EYS: variants seen among roughly 807,000 people sequenced by gnomAD.
EYS encodes the protein EGF-like photoreceptor maintenance factor.
A neutral mutation model predicts 282.1 loss-of-function variants in EYS; 250 were observed. That is an observed-to-expected ratio of 0.89 (90% CI 0.80 to 0.98). The LOEUF (loss-of-function observed/expected upper bound fraction) is 0.98, where lower values mean the gene tolerates loss of function less well. EYS is among the 50% of genes least tolerant of loss of function. EYS has a pLI of 0.00. For missense variants in EYS, 4,016 were observed against 3,709.0 expected (o/e 1.08, Z -2.15); for synonymous variants, 1,355 against 1,282.9 (o/e 1.06, Z -1.20).
chr6:65,299,213 T>C (rs896334093), intron 11 of EYS, among the ~76,000 whole-genome samples: 13 of 152,330 alleles, frequency 8.5e-5, no homozygotes, highest in African/African-American at 2.9e-4. Context: ...ATGATTTGTA[T>C]GTGTTTAATT....
chr6:64,324,308 G>T (rs1770328986), intron 29 of EYS, among the ~76,000 whole-genome samples: 1 of 152,098 alleles, frequency 6.6e-6, no homozygotes, highest in Non-Finnish European at 1.5e-5. Context: ...TTTATTTTTG[G>T]GATGCAAAGT....
chr6:63,967,554 G>A (rs74533308), intron 35 of EYS, among the ~76,000 whole-genome samples: 1,830 of 152,264 alleles, frequency 0.012, 31 homozygotes, highest in African/African-American at 0.041. Flanking sequence ...CTCATCAAAA[G>A]CATGGATGTG....
chr6:64,734,978 A>G (rs1485337140), intron 22 of EYS, among the ~76,000 whole-genome samples: 1 of 152,086 alleles, frequency 6.6e-6, no homozygotes, highest in African/African-American at 2.4e-5. Context: ...GCTTATATAA[A>G]CCTAAATATG....
chr6:65,452,446 A>C (rs9345636), intron 5 of EYS, among the ~76,000 whole-genome samples: 28,087 of 151,882 alleles, frequency 0.18, 3,248 homozygotes, highest in Middle Eastern at 0.3. Flanking sequence ...TATGTATAGA[A>C]GCCACTAAGG....
At chr6:64,730,285 C>T (rs1038909909) in intron 22 of EYS, among the ~76,000 whole-genome samples, 1 of 152,028 alleles carries the variant, frequency 6.6e-6, no homozygotes, top group Admixed American at 6.6e-5. Flanking sequence ...TACTCTGAGA[C>T]AGGAGGAAGA....
intron 31 of EYS, among the ~76,000 whole-genome samples, chr6:64,130,898 C>T (rs551760637): frequency 5.9e-5 from 9 of 152,242 alleles, no homozygotes; most frequent in South Asian, 4.1e-4. Flanking sequence ...GAAGGAGTCT[C>T]GCTCTGTCTC....
chr6:63,932,622 TA>T (rs1278395333), intron 35 of EYS, among the ~76,000 whole-genome samples: 2 of 152,158 alleles, frequency 1.3e-5, no homozygotes, highest in African/African-American at 2.4e-5. Context: ...CTGATTCTAG[TA>T]AAAATTCTCC....
intron 15 of EYS, among the ~76,000 whole-genome samples, chr6:64,927,743 A>G (rs1289319594): frequency 1.3e-5 from 2 of 152,148 alleles, no homozygotes; most frequent in East Asian, 1.9e-4. Flanking sequence ...AACATAAATA[A>G]TATCAGTATA....
chr6:64,273,208 G>A (rs1271397469), intron 30 of EYS, among the ~76,000 whole-genome samples: 1 of 152,066 alleles, frequency 6.6e-6, no homozygotes, highest in Admixed American at 6.5e-5. Flanking sequence ...CTCCTAGTTT[G>A]CTAAATCTTT....
At chr6:63,837,794 A>G (rs985685891) in intron 36 of EYS, among the ~76,000 whole-genome samples, 3 of 152,132 alleles carry the variant, frequency 2.0e-5, no homozygotes, top group African/African-American at 7.2e-5. Context: ...GTCAACATCA[A>G]TATCAAGATT....
chr6:65,509,161 G>A (rs1222483477), intron 2 of EYS, among the ~76,000 whole-genome samples: 5 of 152,210 alleles, frequency 3.3e-5, no homozygotes, highest in Non-Finnish European at 7.3e-5. Flanking sequence ...TTGATTGGAT[G>A]ACAGAAGAAT....
intron 2 of EYS, among the ~76,000 whole-genome samples, chr6:65,632,278 C>T (rs1766944049): frequency 6.6e-6 from 1 of 152,120 alleles, no homozygotes; most frequent in African/African-American, 2.4e-5. Context: ...TTTCTCTGCT[C>T]GTTCATCAGT....
At chr6:64,367,106 T>G (rs1772207827) in intron 29 of EYS, among the ~76,000 whole-genome samples, 2 of 152,096 alleles carry the variant, frequency 1.3e-5, no homozygotes, top group Admixed American at 1.3e-4. Flanking sequence ...TCATAATAAA[T>G]ACCAAAACAA....
rs190682571 is a variant in EYS at position 65,397,034 on chromosome 6, G to T, written c.1184+5444C>A. Among the ~76,000 whole-genome samples, 66 of 151,818 alleles carry T rather than the reference G, an allele frequency of 4.3e-4. No individual in the cohort carries two copies. The East Asian group carries it at 0.012, about 27-fold the overall frequency. On this transcript the variant is annotated intron_variant, in intron 7 of 42. Coordinates refer to ENST00000503581, the MANE Select transcript of EYS (RefSeq NM_001142800.2). ...TATTTTTATCATCCTAACTCATGGA[G>T]TCCTTTTAAATCTCATGTTCTAATC... is the stretch of plus-strand genomic sequence containing the variant.
At chr6:65,016,002 G>A (rs964407041) in intron 13 of EYS, among the ~76,000 whole-genome samples, 20 of 149,686 alleles carry the variant, frequency 1.3e-4, no homozygotes, top group Admixed American at 6.7e-4. Flanking sequence ...CTGAGATTGT[G>A]CCACTGCAAT....
At chr6:64,334,320 C>G (rs375474932) in intron 29 of EYS, among the ~76,000 whole-genome samples, 35 of 152,094 alleles carry the variant, frequency 2.3e-4, no homozygotes, top group African/African-American at 8.2e-4. Flanking sequence ...TAAGGCCATC[C>G]TTTTTCCTAC....
chr6:65,049,986 T>C (rs1431509542), intron 13 of EYS, among the ~76,000 whole-genome samples: 1 of 151,554 alleles, frequency 6.6e-6, no homozygotes, highest in African/African-American at 2.4e-5. Context: ...TAGTCAAATA[T>C]AATTACCCAC....
chr6:65,076,135 C>T (rs923304551), intron 12 of EYS, among the ~76,000 whole-genome samples: 2 of 151,880 alleles, frequency 1.3e-5, no homozygotes, highest in African/African-American at 4.8e-5. Context: ...ATCATACATG[C>T]TACTTATACA....
In EYS at chr6:63,763,966, C is replaced by T. The variant is rs140526467; in HGVS notation, c.7899-1333G>A. On this transcript the variant is annotated intron_variant, in intron 40 of 42. Transcript: ENST00000503581. The stretch of plus-strand genomic sequence containing the variant: ...TTGCCCCCTCCGGCCTCCCTCCCTC[C>T]CTCACTCCCTGCCTGCCTTTCTCCC... Among the ~76,000 whole-genome samples the T allele has an allele frequency of 4.1e-3, 614 of 148,866 alleles. 3 individuals are homozygous for T. The highest frequency in any genetic ancestry group is 0.015 in the African/African-American group (596 of 40,556).
Sources: allele counts gnomAD v4.1 joint callset (sites outside exome capture counted in the v4.1 genomes callset), GRCh38; gene constraint gnomAD v4.1.1; transcripts MANE v1.5; gene names NCBI Gene and HGNC (gene_info 2026-07-23, HGNC 2026-07-21).